The following NOTCH1 variants were observed in gnomAD, a reference collection of about 807,000 sequenced individuals.
NOTCH1 encodes notch receptor 1.
A neutral mutation model predicts 254.8 loss-of-function variants in NOTCH1; 37 were observed. The ratio of observed to expected loss-of-function variants is 0.15; its 90% confidence interval spans 0.11 to 0.19. The LOEUF (loss-of-function observed/expected upper bound fraction) is 0.19, where lower values mean the gene tolerates loss of function less well. Ranked by LOEUF, NOTCH1 falls within the 10% of genes least tolerant of loss-of-function variation. The pLI, the probability that NOTCH1 is intolerant of heterozygous loss-of-function variation, is 1.00. For synonymous variants in NOTCH1, 1,731 were observed against 1,618.1 expected (o/e 1.07, Z -1.68); for missense variants, 2,972 against 3,708.6 (o/e 0.80, Z 5.16).
In NOTCH1 at chr9:136,510,800, T is replaced by A. The variant is rs1843168932; in HGVS notation, c.2593A>T (p.Thr865Ser). Reference sequence around the variant, plus strand: ...CACTCGTTGATGTCGACCTCACAGGTCTGCCCTGCGGGGCAGGAGGAGGCC... The same window carrying A: ...CACTCGTTGATGTCGACCTCACAGGACTGCCCTGCGGGGCAGGAGGAGGCC... ...CVCPTGWQGQ[T>S]CEVDINECVL... The change falls in exon 17 of 34, where the codon ACC (threonine) becomes TCC (serine). Residue 865 changes from threonine (T) to serine (S), a missense_variant. Physicochemically the swap from Thr to Ser is moderately conservative, Grantham distance 58. Transcript: ENST00000651671. The A allele has an allele frequency of 1.9e-6, 3 of 1,609,330 alleles. No individual in the cohort carries two copies. Among genetic ancestry groups the A allele is most frequent in the Non-Finnish European group, 1.7e-6 (2 of 1,179,840 alleles).
rs1317762745 is a variant in NOTCH1 at position 136,504,808 on chromosome 9, T to C, written c.4883A>G (p.Lys1628Arg). 1 of 1,563,838 alleles carries C rather than the reference T, an allele frequency of 6.4e-7. No homozygotes were observed. The highest frequency in any genetic ancestry group is 8.7e-7 in the Non-Finnish European group (1 of 1,154,526). Residue 1628 changes from lysine to arginine, a missense_variant, in exon 26 of 34, where the codon AAG (lysine) becomes AGG (arginine). Lys to Arg is a conservative substitution (Grantham distance 26). Transcript: ENST00000651671. The stretch of plus-strand genomic sequence containing the variant: ...CTCGGCGGCACGCTTGATGGGGTGC[T>C]TGCGCAGCTCCTCCTCGCGGCCGTA... Reference protein sequence around the residue: ...PYYGREEELRKHPIKRAAEGW... With the variant: ...PYYGREEELRRHPIKRAAEGW...
chr9:136,511,964 A>G (rs958164501), intron 15 of NOTCH1, among the ~76,000 whole-genome samples: 7 of 152,174 alleles, frequency 4.6e-5, no homozygotes. Context: ...GGACTGCGTT[A>G]TCTTCCCTGT....
chr9:136,506,498 C>A lies in NOTCH1; in HGVS notation c.4014+29G>T, dbSNP rs2133342249. The A allele has an allele frequency of 1.9e-6, 3 of 1,550,222 alleles. No individual in the cohort carries two copies. The highest frequency in any genetic ancestry group is 2.3e-4 in the Middle Eastern group (1 of 4,396). On this transcript the variant is annotated intron_variant, in intron 24 of 33. Transcript: ENST00000651671. This position sits in a 1 kb window ranked among gnomAD's most constrained non-coding sequence, Gnocchi z 4.5. ...CTCTCCAGGTGTCTCCCCTGGCGGG[C>A]CCCTGCCTCCCTGCACCCCTGCACC...
chr9:136,527,754 G>A (rs372780723), intron 2 of NOTCH1, among the ~76,000 whole-genome samples: 5 of 152,252 alleles, frequency 3.3e-5, no homozygotes, highest in East Asian at 1.9e-4. Context: ...CATCCCCCAC[G>A]CTCAGTGGCC....
intron 4 of NOTCH1, 101 bp from the exon 5 acceptor site, chr9:136,519,666 C>A (rs544057458): frequency 3.8e-6 from 6 of 1,579,430 alleles, no homozygotes; most frequent in South Asian, 3.3e-5. Flanking sequence ...CTGGCCTCCA[C>A]GGCCCTGCCC....
intron 2 of NOTCH1, among the ~76,000 whole-genome samples, chr9:136,532,321 C>T (rs1032405821): frequency 2.0e-5 from 3 of 152,346 alleles, no homozygotes; most frequent in Admixed American, 2.0e-4. Flanking sequence ...GAATAATGCC[C>T]AGCCTCGCCC....
chr9:136,507,140 TC>T (rs1843101538), intron 22 of NOTCH1, among the ~76,000 whole-genome samples, 164 bp downstream of exon 22: 1 of 152,208 alleles, frequency 6.6e-6, no homozygotes, highest in Non-Finnish European at 1.5e-5. Flanking sequence ...GGACCCCCGC[TC>T]TGGGCCCTTT....
rs932912496 is a variant in NOTCH1 at position 136,494,984 on chromosome 9, G to A, written c.*1087C>T. 5.0e-5 allele frequency: 20 copies of A among 398,794 alleles called. No individual in the cohort carries two copies. Among genetic ancestry groups the A allele is most frequent in the African/African-American group, 3.1e-4 (15 of 48,630 alleles). 24.7% of individuals were successfully genotyped at this position (398,794 alleles called of 1,614,324 possible). On this transcript the variant is annotated 3_prime_UTR_variant, in exon 34 of 34. Transcript: ENST00000651671. ...AGGACCAAAGGACGCAGCCCACGGC[G>A]TTGCACAGCTCAATGTGCCCGGCTC...
chr9:136,506,872 C>T lies in NOTCH1; in HGVS notation c.3745G>A (p.Gly1249Ser), dbSNP rs1481767471. 1 of 1,611,542 alleles carries T rather than the reference C, an allele frequency of 6.2e-7. No homozygotes were observed. The highest frequency in any genetic ancestry group is 8.5e-7 in the Non-Finnish European group (1 of 1,179,396). Residue 1249 changes from glycine (G) to serine (S), a missense_variant, in exon 23 of 34, where the codon GGC (glycine) becomes AGC (serine). Physicochemically the swap from Gly to Ser is moderately conservative, Grantham distance 56 (BLOSUM62 0). This residue lies in a region of NOTCH1 where 1,343 missense variants were observed against 1,557.0 expected (regional missense o/e 0.86). Coordinates refer to ENST00000651671, the MANE Select transcript of NOTCH1 (RefSeq NM_017617.5). The surrounding 1 kb of genome is among the most constrained non-coding windows in gnomAD (Gnocchi z 4.5). ...GGCGGGCAGGTGCAGCTGTAGCCGC[C>T]CACCTGGTCCACGCAGGTGCCGTTG... ...FNNGTCVDQV[G>S]GYSCTCPPGF... is the part of the protein sequence containing the mutation.
intron 30 of NOTCH1, among the ~76,000 whole-genome samples, chr9:136,501,205 G>A (rs947808831): frequency 6.6e-6 from 1 of 152,184 alleles, no homozygotes; most frequent in African/African-American, 2.4e-5. Flanking sequence ...AGGCCGAGGT[G>A]GGCGGATCAC....
intron 31 of NOTCH1, 85 bp from the exon 32 acceptor site, chr9:136,499,344 C>T (rs1842962647): frequency 1.9e-6 from 3 of 1,542,726 alleles, no homozygotes; most frequent in Non-Finnish European, 2.6e-6. Flanking sequence ...GGACGGGAAG[C>T]CCCACTGTCT....
rs2133318819 is a variant in NOTCH1, at chr9:136,497,345, T to C, written c.6394A>G (p.Thr2132Ala). 1.2e-6 allele frequency: 2 copies of C among 1,606,368 alleles called. No individual in the cohort carries two copies. Among genetic ancestry groups the C allele is most frequent in the South Asian group, 1.1e-5 (1 of 91,010 alleles). The change falls in exon 34 of 34, where the codon ACG becomes GCG. Residue 2132 changes from threonine (T) to alanine (A), a missense_variant. This residue lies in a region of NOTCH1 where 529 missense variants were observed against 529.2 expected (regional missense o/e 1.00). Coordinates refer to ENST00000651671, the MANE Select transcript of NOTCH1 (RefSeq NM_017617.5). ...CAGAGCGGGGGCGACAGGGTGGGCG[T>C]GCCCCCCAGCGGGGCTCCGTGCAGC... ...PQLHGAPLGG[T>A]PTLSPPLCSP...
intron 12 of NOTCH1, among the ~76,000 whole-genome samples, chr9:136,515,007 G>A (rs887636731): frequency 1.3e-5 from 2 of 152,226 alleles, no homozygotes; most frequent in African/African-American, 4.8e-5. Context: ...GAGGCAGAAG[G>A]TACTTAAGCC....
intron 2 of NOTCH1, among the ~76,000 whole-genome samples, chr9:136,535,219 G>A (rs916895942): frequency 2.6e-5 from 4 of 151,924 alleles, no homozygotes; most frequent in Non-Finnish European, 4.4e-5. Flanking sequence ...CCCGCCCAGC[G>A]GGTGCAGCCA....
chr9:136,528,392 TGGGGGGGGATGGGCAGGGACAGTGC>T, intron 2 of NOTCH1, among the ~76,000 whole-genome samples: 1 of 16,766 alleles, frequency 6.0e-5, no homozygotes, highest in Non-Finnish European at 1.1e-4. Context: ...GCAGGGACAG[TGGGGGGGGATGGGCAGGGACAGTGC>T]GGGGGGGATG....
At chr9:136,525,058 G>A (rs1336944838) in intron 2 of NOTCH1, among the ~76,000 whole-genome samples, 1 of 152,190 alleles carries the variant, frequency 6.6e-6, no homozygotes, top group African/African-American at 2.4e-5. Context: ...CCCCAGACAC[G>A]TTTCCCTTTC....
rs879672822 is a variant in NOTCH1 at position 136,513,825 on chromosome 9, G to C, written c.2208-288C>G. Among the ~76,000 whole-genome samples, 1 of 152,216 alleles carries C rather than the reference G, an allele frequency of 6.6e-6. No individual in the cohort carries two copies. Among genetic ancestry groups the C allele is most frequent in the Non-Finnish European group, 1.5e-5 (1 of 68,034 alleles). The stretch of plus-strand genomic sequence containing the variant: ...ATACTAAAAATACAAAAATTAGCCA[G>C]GTGTGGTGGCACATGCCTGTAATCT... On this transcript the variant is annotated intron_variant, in intron 13 of 33. Coordinates refer to ENST00000651671, the MANE Select transcript of NOTCH1 (RefSeq NM_017617.5). This position sits in a 1 kb window ranked among gnomAD's most constrained non-coding sequence, Gnocchi z 4.7.
At chr9:136,500,180 G>A (rs1390899229) in intron 31 of NOTCH1, among the ~76,000 whole-genome samples, 3 of 152,224 alleles carry the variant, frequency 2.0e-5, no homozygotes, top group Non-Finnish European at 4.4e-5. Context: ...CACAGGCTAC[G>A]CCGGCAGCCA....
At position 136,495,148 on chromosome 9, in the gene NOTCH1, T is replaced by C. The variant is rs928970701; in HGVS notation, c.*923A>G. ...TGAGGTGCTGGGGCCGCCACCGGGG[T>C]CAGCCCAGGCAGTGTCTTTCCCCAG... On this transcript the variant is annotated 3_prime_UTR_variant, in exon 34 of 34. Coordinates refer to ENST00000651671, the MANE Select transcript of NOTCH1 (RefSeq NM_017617.5). The C allele has an allele frequency of 7.5e-6, 3 of 398,918 alleles. No individual in the cohort carries two copies. Among genetic ancestry groups the C allele is most frequent in the Non-Finnish European group, 8.8e-6 (2 of 226,086 alleles). 24.7% of individuals were successfully genotyped at this position (398,918 alleles called of 1,614,324 possible).
Sources: allele counts gnomAD v4.1 joint callset (sites outside exome capture counted in the v4.1 genomes callset), GRCh38; gene constraint gnomAD v4.1.1; regional missense constraint gnomAD v4.1.1; non-coding constraint Gnocchi (gnomAD v3.1); transcripts MANE v1.5; gene names NCBI Gene and HGNC (gene_info 2026-07-23, HGNC 2026-07-21).